Variants in FER1L6 observed in about 807,000 individuals in gnomAD.
FER1L6 encodes fer-1-like protein 6.
Under a neutral mutation model 219.2 loss-of-function variants are expected in FER1L6, and 177 were observed. That is an observed-to-expected ratio of 0.81 (90% CI 0.71 to 0.91). FER1L6 has a LOEUF of 0.91. Among genes scored for constraint, FER1L6 ranks in the 40% least tolerant of loss-of-function variants. The pLI is 0.00. For missense variants in FER1L6, 2,153 were observed against 2,259.9 expected, an observed-to-expected ratio of 0.95 and a Z score of 0.96; for synonymous variants, 768 against 824.3, an observed-to-expected ratio of 0.93 and a Z score of 1.17.
intron 15 of FER1L6, among the ~76,000 whole-genome samples, chr8:124,016,281 A>G (rs1818196904): frequency 6.6e-6 from 1 of 152,196 alleles, no homozygotes; most frequent in Non-Finnish European, 1.5e-5. Context: ...AAAAAATTTA[A>G]AGAAAATGTA....
At chr8:123,857,403 A>G (rs1351192987) in intron 1 of FER1L6, among the ~76,000 whole-genome samples, 1 of 152,118 alleles carries the variant, frequency 6.6e-6, no homozygotes, top group Non-Finnish European at 1.5e-5. Context: ...CTAGCTACTC[A>G]GGAGGCTGAG....
chr8:124,119,355 G>A (rs566215674), intron 40 of FER1L6, among the ~76,000 whole-genome samples: 60 of 152,206 alleles, frequency 3.9e-4, no homozygotes, highest in Middle Eastern at 3.4e-3. Context: ...GATGGAGGGT[G>A]GTGGGGCCTT....
chr8:123,962,192 C>G (rs1815320658), intron 2 of FER1L6, among the ~76,000 whole-genome samples: 1 of 152,044 alleles, frequency 6.6e-6, no homozygotes, highest in African/African-American at 2.4e-5. Flanking sequence ...CCCAGCCTGT[C>G]TGTGGTCTTT....
At chr8:124,076,470 C>T in intron 32 of FER1L6, 145 bp downstream of exon 32, 1 of 767,532 alleles carries the variant, frequency 1.3e-6, no homozygotes, top group East Asian at 2.5e-5. Context: ...TGGTAATAAC[C>T]AACCAAACCT....
intron 11 of FER1L6, 95 bp downstream of exon 11, chr8:123,980,906 A>T (rs568910344): frequency 6.4e-6 from 7 of 1,086,686 alleles, no homozygotes; most frequent in Non-Finnish European, 9.1e-6. Context: ...TTGTCAGAAT[A>T]TGTCTTATTC....
Position 124,119,842 on chromosome 8 carries a change from T to C in FER1L6, c.*52T>C. The C allele has an allele frequency of 6.4e-7, 1 of 1,571,010 alleles. No homozygotes were observed. Among genetic ancestry groups the C allele is most frequent in the Non-Finnish European group, 8.7e-7 (1 of 1,154,810 alleles). ...CCATATACTAATCCTCTCTTCCTTA[T>C]CTGGGAGCATCTAAGAACATGTCCC... On this transcript the variant is annotated 3_prime_UTR_variant, in exon 41 of 41. Coordinates refer to ENST00000522917, the MANE Select transcript of FER1L6 (RefSeq NM_001039112.2).
chr8:124,004,485 C>T lies in FER1L6; in HGVS notation c.1700+1138C>T, dbSNP rs115933706. On this transcript the variant is annotated intron_variant, in intron 13 of 40. Transcript: ENST00000522917. The stretch of plus-strand genomic sequence containing the variant: ...CTGCTCTTTTCAATCTAGACACTCT[C>T]TGGGGACTGAACCATGACTACTCTC... Among the ~76,000 whole-genome samples the T allele has an allele frequency of 2.5e-3, 377 of 152,316 alleles. 3 individuals are homozygous for T. Among genetic ancestry groups the T allele is most frequent in the African/African-American group, 8.4e-3 (351 of 41,580 alleles).
intron 12 of FER1L6, among the ~76,000 whole-genome samples, chr8:123,989,985 C>T (rs1816771861): frequency 6.6e-6 from 1 of 152,166 alleles, no homozygotes; most frequent in Admixed American, 6.5e-5. Flanking sequence ...TAAGAAATCA[C>T]TGGCTGGGCG....
chr8:123,995,386 T>C (rs191501510), intron 12 of FER1L6, among the ~76,000 whole-genome samples: 43 of 152,342 alleles, frequency 2.8e-4, no homozygotes, highest in Middle Eastern at 3.4e-3. Context: ...TGCATTTCTT[T>C]ATGATTCAAT....
chr8:124,045,808 G>A lies in FER1L6; in HGVS notation c.2631G>A (p.Leu877=), dbSNP rs1183780068. Residue 877 remains leucine, a synonymous_variant, in exon 21 of 41, where the codon CTG becomes CTA. Transcript: ENST00000522917. ...TCTCTCCGACCTGGAACCAGATGCT[G>A]CTGTTCAATGATTTGGTGCTGCATG... The part of the protein sequence containing the change: ...QTLSPTWNQM[L]LFNDLVLHGD... 1 of 1,614,106 alleles carries A rather than the reference G, an allele frequency of 6.2e-7. No homozygotes were observed. Among genetic ancestry groups the A allele is most frequent in the East Asian group, 2.2e-5 (1 of 44,886 alleles).
At chr8:124,032,505 G>A (rs1819014592) in intron 18 of FER1L6, among the ~76,000 whole-genome samples, 1 of 152,138 alleles carries the variant, frequency 6.6e-6, no homozygotes, top group Non-Finnish European at 1.5e-5. Flanking sequence ...AAGGGGGGCA[G>A]ATTGCTTTAG....
intron 1 of FER1L6, among the ~76,000 whole-genome samples, chr8:123,911,913 C>T (rs1813053193): frequency 6.6e-6 from 1 of 152,298 alleles, no homozygotes; most frequent in South Asian, 2.1e-4. Context: ...CTGGGGGGAA[C>T]AGCTGGCGTG....
intron 36 of FER1L6, 145 bp from the exon 37 acceptor site, chr8:124,097,640 C>A: frequency 3.2e-6 from 2 of 616,052 alleles, no homozygotes; most frequent in Non-Finnish European, 5.8e-6. Context: ...TTGGTTCTGA[C>A]AGAACCAAGC....
At chr8:123,921,515 C>T (rs1052468953) in intron 1 of FER1L6, among the ~76,000 whole-genome samples, 3 of 151,522 alleles carry the variant, frequency 2.0e-5, no homozygotes, top group East Asian at 3.9e-4. Context: ...CAGGTGTCCA[C>T]CACCATGCCA....
At position 123,879,031 on chromosome 8, in the gene FER1L6, C is replaced by T. The variant is rs560330763; in HGVS notation, c.-8+26846C>T. ...AATTAAACTTTCCCTTTGATGTAAC[C>T]GCAAGGATCAAGGAAGGGAGAAAGA... is the stretch of plus-strand genomic sequence containing the variant. On this transcript the variant is annotated intron_variant, in intron 1 of 40. Transcript: ENST00000522917. Among the ~76,000 whole-genome samples, 7 of 152,216 alleles carry T rather than the reference C, an allele frequency of 4.6e-5. No individual in the cohort carries two copies. The South Asian group carries it at 1.0e-3, about 23-fold the overall frequency.
chr8:123,962,917 C>T (rs926287039), intron 2 of FER1L6, among the ~76,000 whole-genome samples: 2 of 152,078 alleles, frequency 1.3e-5, no homozygotes, highest in East Asian at 1.9e-4. Context: ...TGTGAGCCAC[C>T]GTGCCCAGCC....
chr8:123,893,917 G>C (rs986482227), intron 1 of FER1L6, among the ~76,000 whole-genome samples: 1 of 152,160 alleles, frequency 6.6e-6, no homozygotes, highest in Non-Finnish European at 1.5e-5. Context: ...ATTAACCTTT[G>C]ATTCTTAGGT....
rs867480498 is a variant in FER1L6 at position 124,064,368 on chromosome 8, C to T, written c.3350C>T (p.Ala1117Val). The T allele has an allele frequency of 6.2e-7, 1 of 1,612,704 alleles. No homozygotes were observed. Among genetic ancestry groups the T allele is most frequent in the Non-Finnish European group, 8.5e-7 (1 of 1,179,574 alleles). Reference sequence around the variant, plus strand: ...TCAGATATTTCAGATTCGCTAACAGCCACTGAGTCCTCTGGAGCCCACAGC... The same window carrying T: ...TCAGATATTTCAGATTCGCTAACAGTCACTGAGTCCTCTGGAGCCCACAGC... ...PGHDISDSLTATESSGAHSSS... is the reference protein window; with the variant it reads ...PGHDISDSLTVTESSGAHSSS... The change falls in exon 26 of 41, where the codon GCC (alanine) becomes GTC (valine). Residue 1117 changes from alanine to valine, a missense_variant. Transcript: ENST00000522917.
intron 5 of FER1L6, 40 bp from the exon 6 acceptor site, chr8:123,969,995 G>A (rs953730259): frequency 1.3e-6 from 2 of 1,570,294 alleles, no homozygotes; most frequent in Non-Finnish European, 1.8e-6. Context: ...TTAGGTGCAA[G>A]TCTGGGGTTG....
Sources: gnomAD v4.1 joint callset for allele counts (sites outside exome capture counted in the v4.1 genomes callset) on GRCh38, gnomAD v4.1.1 for gene constraint, MANE v1.5 for transcripts, NCBI Gene and HGNC (gene_info 2026-07-23, HGNC 2026-07-21) for gene names.